The following DST variants were observed in gnomAD, a reference collection of about 807,000 sequenced individuals.
DST encodes the protein dystonin.
Under a neutral mutation model 875.2 loss-of-function variants are expected in DST, and 253 were observed. The ratio of observed to expected loss-of-function variants is 0.29; its 90% CI spans 0.26 to 0.32. The LOEUF is 0.32. Ranked by LOEUF, DST falls within the 10% of genes least tolerant of loss-of-function variation. The pLI, the probability that DST is intolerant of heterozygous loss-of-function variation, is 1.00. For missense variants in DST, 8,287 were observed against 9,111.6 expected (o/e 0.91, Z 3.68); for synonymous variants, 3,124 against 3,197.1 (o/e 0.98, Z 0.77).
At chr6:56,631,740 GCAATAATTACA>G (rs2098782415) in intron 29 of DST, 132 bp downstream of exon 29, 2 of 746,606 alleles carry the variant, frequency 2.7e-6, no homozygotes, top group South Asian at 3.1e-5. Flanking sequence ...TTTATAATCA[GCAATAATTACA>G]CAATCAGACC....
intron 10 of DST, among the ~76,000 whole-genome samples, chr6:56,652,887 A>AT (rs1186671612): frequency 6.6e-6 from 1 of 152,224 alleles, no homozygotes; most frequent in Admixed American, 6.5e-5. Flanking sequence ...CAAAAGTAAC[A>AT]TTTTTTATTC....
At position 56,908,732 on chromosome 6, in the gene DST, T is replaced by C. The variant is rs184808356; in HGVS notation, c.217-8111A>G. On this transcript the variant is annotated intron_variant, in intron 2 of 103. Coordinates refer to ENST00000680361, the MANE Select transcript of DST (RefSeq NM_001374736.1). ...AAGATACGGGTCGTAAAGACCTTCC[T>C]GATAAAACAGGTTGCAGCAAAGAAG... Among the ~76,000 whole-genome samples the C allele has an allele frequency of 3.3e-5, 5 of 152,288 alleles. No homozygotes were observed. The East Asian group carries it at 9.7e-4, about 30-fold the overall frequency.
intron 22 of DST, among the ~76,000 whole-genome samples, chr6:56,637,502 G>A (rs1563366597): frequency 6.6e-6 from 1 of 151,938 alleles, no homozygotes; most frequent in African/African-American, 2.4e-5. Context: ...TGGTTATGTC[G>A]GTTTCTCTTT....
chr6:56,556,958 T>C (rs1362062994), intron 59 of DST, among the ~76,000 whole-genome samples: 1 of 152,200 alleles, frequency 6.6e-6, no homozygotes, highest in Non-Finnish European at 1.5e-5. Flanking sequence ...AGGAGTAATT[T>C]CTAAACAGTA....
At chr6:56,810,301 C>T (rs1277496620) in intron 4 of DST, among the ~76,000 whole-genome samples, 1 of 152,134 alleles carries the variant, frequency 6.6e-6, no homozygotes, top group African/African-American at 2.4e-5. Context: ...TAGAGCAAGA[C>T]TCCCATCTCT....
rs765053396 is a variant in DST, at chr6:56,640,650, T to C, written c.2028-45A>G. 8 of 1,420,254 alleles carry C rather than the reference T, an allele frequency of 5.6e-6. No homozygotes were observed. The East Asian group carries it at 6.8e-5, about 12-fold the overall frequency. The allele number at this position is 1,420,254 out of a possible 1,614,324, so 88.0% of individuals were successfully genotyped here. ...GGATAAGGTGAAATATAAAGGCACT[T>C]GTAACAAAGAGTGAACTCTAATGTT... On this transcript the variant is annotated intron_variant, in intron 17 of 103. Transcript: ENST00000680361.
chr6:56,781,843 G>T (rs1417426723), intron 4 of DST, among the ~76,000 whole-genome samples: 4 of 152,096 alleles, frequency 2.6e-5, no homozygotes, highest in African/African-American at 9.7e-5. Context: ...CATTCAGTAT[G>T]ATATTGGCTG....
intron 69 of DST, among the ~76,000 whole-genome samples, chr6:56,523,433 A>T (rs938911816): frequency 2.0e-5 from 3 of 152,186 alleles, no homozygotes; most frequent in Non-Finnish European, 4.4e-5. Context: ...GTATGTGCTA[A>T]TGAGAAGGTA....
chr6:56,736,110 G>C (rs540289678), intron 4 of DST, among the ~76,000 whole-genome samples: 7 of 151,930 alleles, frequency 4.6e-5, no homozygotes, highest in Non-Finnish European at 7.4e-5. Flanking sequence ...GGCTGGTCTC[G>C]AACCCCTGAC....
At chr6:56,625,103 G>T in intron 35 of DST, 54 bp downstream of exon 35, 1 of 1,230,816 alleles carries the variant, frequency 8.1e-7, no homozygotes, top group South Asian at 1.2e-5. Flanking sequence ...AATTTAAAAA[G>T]TAAGTGTTCT....
chr6:56,779,916 C>A (rs528205801), intron 4 of DST, among the ~76,000 whole-genome samples: 1 of 138,988 alleles, frequency 7.2e-6, no homozygotes, highest in South Asian at 2.4e-4. Context: ...TGATGTTCCC[C>A]TTCCTGTGTC....
At position 56,497,081 on chromosome 6, in the gene DST, G is replaced by T. The variant is rs185602506; in HGVS notation, c.20223+298C>A. Among the ~76,000 whole-genome samples, 5 of 152,132 alleles carry T rather than the reference G, an allele frequency of 3.3e-5. No homozygotes were observed. In the East Asian group the frequency reaches 9.7e-4, roughly 29 times the overall value. Reference sequence around the variant, plus strand: ...CTAATGCTAAATGACGAGTTAATGGGTGCAGGACACCAGCATGGCACATGT... The same window carrying T: ...CTAATGCTAAATGACGAGTTAATGGTTGCAGGACACCAGCATGGCACATGT... On this transcript the variant is annotated intron_variant, in intron 82 of 103. Coordinates refer to ENST00000680361, the MANE Select transcript of DST (RefSeq NM_001374736.1).
At chr6:56,564,955 G>A (rs1030177993) in intron 55 of DST, among the ~76,000 whole-genome samples, 4 of 152,038 alleles carry the variant, frequency 2.6e-5, no homozygotes, top group African/African-American at 9.7e-5. Flanking sequence ...TGTGCTGCTG[G>A]ATTCAGTTTG....
At chr6:56,844,883 A>C (rs1251524677) in intron 4 of DST, among the ~76,000 whole-genome samples, 3 of 152,010 alleles carry the variant, frequency 2.0e-5, no homozygotes, top group East Asian at 1.9e-4. Context: ...AAAAAAAAAA[A>C]AACAGTGAAG....
At chr6:56,892,321 C>A (rs1479306425) in intron 3 of DST, among the ~76,000 whole-genome samples, 1 of 149,884 alleles carries the variant, frequency 6.7e-6, no homozygotes, top group African/African-American at 2.5e-5. Context: ...AATTCCTATC[C>A]CTTTTTTTTT....
At position 56,526,448 on chromosome 6, in the gene DST, A is replaced by G; in HGVS notation, c.18042T>C (p.Ala6014=). 1 of 1,613,834 alleles carries G rather than the reference A, an allele frequency of 6.2e-7. No individual in the cohort carries two copies. The highest frequency in any genetic ancestry group is 8.5e-7 in the Non-Finnish European group (1 of 1,179,808). ...CTAATCGGTAGCGCTCATTGTCCTC[A>G]GCTACCATTTTCTCAAGTCCTTCTC... ...RAREGLEKMV[A]EDNERYRLVS... The change falls in exon 69 of 104, where the codon GCT becomes GCC. Residue 6014 remains alanine, a synonymous_variant. Transcript: ENST00000680361.
At chr6:56,517,760 G>A (rs1242566672) in intron 69 of DST, 140 bp from the exon 70 acceptor site, 37 of 1,005,908 alleles carry the variant, frequency 3.7e-5, no homozygotes, top group African/African-American at 2.2e-4. Context: ...AAAATAATTC[G>A]TGATAATGAC....
chr6:56,784,613 GT>G (rs1369870524), intron 4 of DST, among the ~76,000 whole-genome samples: 3 of 152,176 alleles, frequency 2.0e-5, no homozygotes, highest in Non-Finnish European at 4.4e-5. Context: ...GGTTATTGTA[GT>G]TATATATTCG....
chr6:56,466,901 C>T (rs2094600628), intron 98 of DST: 1 of 152,174 alleles, frequency 6.6e-6, no homozygotes. Flanking sequence ...AGGTTTCTCT[C>T]ATAGTTGTCT....
Sources: gnomAD v4.1 joint callset for allele counts (sites outside exome capture counted in the v4.1 genomes callset) on GRCh38, gnomAD v4.1.1 for gene constraint, MANE v1.5 for transcripts, NCBI Gene and HGNC (gene_info 2026-07-23, HGNC 2026-07-21) for gene names.